EYS: variants seen among roughly 807,000 people sequenced by gnomAD.
The protein encoded by EYS is EGF-like photoreceptor maintenance factor, also known as protein eyes shut homolog.
EYS carries 250 observed loss-of-function variants against 282.1 expected under a neutral mutation model. The ratio of observed to expected loss-of-function variants is 0.89; its 90% CI spans 0.80 to 0.98. The LOEUF is 0.98. Among genes scored for constraint, EYS ranks in the 50% least tolerant of loss-of-function variants. The pLI, the probability that EYS is intolerant of heterozygous loss-of-function variation, is 0.00. For synonymous variants in EYS, 1,355 were observed against 1,282.9 expected, an observed-to-expected ratio of 1.06 and a Z score of -1.20; for missense variants, 4,016 against 3,709.0, an observed-to-expected ratio of 1.08 and a Z score of -2.15.
chr6:64,194,457 CTTA>C (rs1445368940), intron 31 of EYS, among the ~76,000 whole-genome samples: 4 of 152,096 alleles, frequency 2.6e-5, no homozygotes, highest in African/African-American at 7.2e-5. Context: ...GTGTAAACAT[CTTA>C]TTATTGAGTT....
intron 2 of EYS, among the ~76,000 whole-genome samples, chr6:65,545,811 A>C (rs1350229588): frequency 6.6e-6 from 1 of 152,172 alleles, no homozygotes; most frequent in Non-Finnish European, 1.5e-5. Flanking sequence ...TTTCATGACT[A>C]TTATGGAAGA....
chr6:63,995,705 GT>G (rs771751039), intron 34 of EYS, among the ~76,000 whole-genome samples: 1 of 152,036 alleles, frequency 6.6e-6, no homozygotes, highest in African/African-American at 2.4e-5. Context: ...TAAAGAAAAT[GT>G]GGTATAGTAT....
In EYS at chr6:64,442,032, C is replaced by T. The variant is rs146563725; in HGVS notation, c.5645-2680G>A. Among the ~76,000 whole-genome samples, 35 of 152,214 alleles carry T rather than the reference C, an allele frequency of 2.3e-4. No individual in the cohort carries two copies. The East Asian group carries it at 6.4e-3, about 28-fold the overall frequency. ...GCAGAGGTTGGAACAGTTTGGAGGG[C>T]TCAGAAGAAGACAGGAAAATGTGGG... On this transcript the variant is annotated intron_variant, in intron 26 of 42. Coordinates refer to ENST00000503581, the MANE Select transcript of EYS (RefSeq NM_001142800.2).
chr6:64,945,710 G>A, intron 15 of EYS, 83 bp downstream of exon 15: 2 of 1,235,124 alleles, frequency 1.6e-6, no homozygotes, highest in East Asian at 2.7e-5. Flanking sequence ...TGTATCTAAA[G>A]TGAAAATAAT....
At chr6:64,693,873 A>T (rs1019857593) in intron 22 of EYS, among the ~76,000 whole-genome samples, 7 of 152,284 alleles carry the variant, frequency 4.6e-5, no homozygotes, top group Non-Finnish European at 8.8e-5. Flanking sequence ...AAACTAAAGA[A>T]TTATACTCAT....
chr6:65,296,229 A>G, intron 11 of EYS, 110 bp from the exon 12 acceptor site: 3 of 1,180,628 alleles, frequency 2.5e-6, no homozygotes, highest in Non-Finnish European at 3.5e-6. Flanking sequence ...TATTTAATGA[A>G]GATAGTTGTG....
At chr6:63,801,506 G>A (rs535173304) in intron 37 of EYS, among the ~76,000 whole-genome samples, 2 of 152,288 alleles carry the variant, frequency 1.3e-5, no homozygotes, top group East Asian at 3.9e-4. Context: ...GTTTATAACA[G>A]TTACCAACAG....
intron 26 of EYS, among the ~76,000 whole-genome samples, chr6:64,554,872 G>A (rs1765190482): frequency 6.6e-6 from 1 of 151,914 alleles, no homozygotes; most frequent in Admixed American, 6.6e-5. Flanking sequence ...ACAAAAAGTA[G>A]CAAGTGTTGG....
intron 4 of EYS, among the ~76,000 whole-genome samples, chr6:65,494,243 T>A (rs1220997917): frequency 2.6e-5 from 4 of 151,216 alleles, no homozygotes; most frequent in South Asian, 2.1e-4. Context: ...CTATTAAATT[T>A]TTTATTTATT....
intron 42 of EYS, among the ~76,000 whole-genome samples, chr6:63,722,724 ACTT>A (rs1457339817): frequency 1.3e-5 from 2 of 152,056 alleles, no homozygotes; most frequent in Non-Finnish European, 2.9e-5. Context: ...ATGCTACACT[ACTT>A]CTTCCTCCCT....
At chr6:63,800,984 C>T (rs150940563) in intron 37 of EYS, among the ~76,000 whole-genome samples, 28 of 152,266 alleles carry the variant, frequency 1.8e-4, no homozygotes, top group Middle Eastern at 6.8e-3. Flanking sequence ...TACACATGTG[C>T]TAATATTGCC....
intron 1 of EYS, among the ~76,000 whole-genome samples, chr6:65,695,139 A>G (rs1020467359): frequency 1.3e-5 from 2 of 152,160 alleles, no homozygotes; most frequent in Non-Finnish European, 2.9e-5. Flanking sequence ...GTCCATGTAC[A>G]TAGAAATAAG....
intron 28 of EYS, among the ~76,000 whole-genome samples, chr6:64,433,616 A>G (rs1774641727): frequency 6.6e-6 from 1 of 152,052 alleles, no homozygotes; most frequent in African/African-American, 2.4e-5. Flanking sequence ...GATAAAAATA[A>G]GAAGCAATGG....
At chr6:63,748,443 G>T (rs1769263502) in intron 41 of EYS, among the ~76,000 whole-genome samples, 1 of 152,096 alleles carries the variant, frequency 6.6e-6, no homozygotes, top group South Asian at 2.1e-4. Context: ...TTGGCTTAAA[G>T]TTTTCTTTTT....
In EYS at chr6:64,902,133, T is replaced by C. The variant is rs1286173421; in HGVS notation, c.2826A>G (p.Thr942=). Residue 942 remains threonine (T), a synonymous_variant, in exon 18 of 43, where the codon ACA becomes ACG. Transcript: ENST00000503581. Reference sequence around the variant, plus strand: ...CTCACCTGTTTGTCAGATCCACACATGTTCCATTATTTTTGCAAGGTTCAG... The same window carrying C: ...CTCACCTGTTTGTCAGATCCACACACGTTCCATTATTTTTGCAAGGTTCAG... ...CSSEPCKNNG[T]CVDLTNRFFC... is the part of the protein sequence containing the mutation. 1.9e-6 allele frequency: 3 copies of C among 1,546,606 alleles called. No homozygotes were observed. Among genetic ancestry groups the C allele is most frequent in the African/African-American group, 1.4e-5 (1 of 72,882 alleles).
At chr6:65,430,461 A>G (rs962506264) in intron 5 of EYS, among the ~76,000 whole-genome samples, 1 of 152,306 alleles carries the variant, frequency 6.6e-6, no homozygotes, top group Middle Eastern at 3.4e-3. Flanking sequence ...GGCATAAGGC[A>G]TAAGTTTCTA....
At chr6:64,186,100 A>G (rs896072103) in intron 31 of EYS, among the ~76,000 whole-genome samples, 1 of 152,156 alleles carries the variant, frequency 6.6e-6, no homozygotes, top group African/African-American at 2.4e-5. Context: ...AGAAGAGCAC[A>G]CAAGGCCCTT....
intron 34 of EYS, among the ~76,000 whole-genome samples, chr6:63,991,196 A>G (rs1767588342): frequency 1.3e-5 from 2 of 151,722 alleles, no homozygotes; most frequent in South Asian, 4.1e-4. Flanking sequence ...AGACACATCC[A>G]TAGGAAACAC....
chr6:64,319,035 G>T (rs539911401), intron 29 of EYS, among the ~76,000 whole-genome samples: 1 of 151,062 alleles, frequency 6.6e-6, no homozygotes. Flanking sequence ...ATTTTTGTGC[G>T]TATTAACCTT....
Sources: gnomAD v4.1 joint callset for allele counts (sites outside exome capture counted in the v4.1 genomes callset) on GRCh38, gnomAD v4.1.1 for gene constraint, MANE v1.5 for transcripts, NCBI Gene and HGNC (gene_info 2026-07-23, HGNC 2026-07-21) for gene names.